Variants in TMC1 observed in about 807,000 individuals in gnomAD.
TMC1 encodes the protein transmembrane channel-like protein 1.
Under a neutral mutation model 105.8 loss-of-function variants are expected in TMC1, and 84 were observed. That is an observed-to-expected ratio of 0.79 (90% CI 0.67 to 0.95). The LOEUF (loss-of-function observed/expected upper bound fraction) is 0.95. Ranked by LOEUF, TMC1 falls within the 40% of genes least tolerant of loss-of-function variation. The pLI is 0.00. For synonymous variants in TMC1, 315 were observed against 311.5 expected (o/e 1.01, Z -0.12); for missense variants, 817 against 914.1 (o/e 0.89, Z 1.37).
At chr9:72,580,744 C>T (rs151127480) in intron 2 of TMC1, among the ~76,000 whole-genome samples, 111 of 152,324 alleles carry the variant, frequency 7.3e-4, no homozygotes, top group African/African-American at 2.5e-3. Context: ...CAAACAACTC[C>T]TCCTTACACA....
At chr9:72,537,507 A>G (rs1242158351) in intron 1 of TMC1, among the ~76,000 whole-genome samples, 2 of 152,122 alleles carry the variant, frequency 1.3e-5, no homozygotes, top group East Asian at 3.9e-4. Context: ...TTACAATCAT[A>G]TTTACAATTA....
intron 1 of TMC1, among the ~76,000 whole-genome samples, chr9:72,576,618 CTTTTT>C (rs71357588): frequency 7.4e-6 from 1 of 135,148 alleles, no homozygotes; most frequent in African/African-American, 2.8e-5. Flanking sequence ...CTCCCAATTT[CTTTTT>C]TTTTTTTTTC....
intron 5 of TMC1, chr9:72,651,145 T>C (rs751861773): frequency 5.4e-4 from 81 of 150,026 alleles, no homozygotes; most frequent in Admixed American, 1.5e-3. Flanking sequence ...TATATATATA[T>C]CACATTTTCT....
At chr9:72,672,309 CTTTG>C (rs1826136420) in intron 5 of TMC1, among the ~76,000 whole-genome samples, 1 of 151,770 alleles carries the variant, frequency 6.6e-6, no homozygotes, top group African/African-American at 2.4e-5. Flanking sequence ...GATGTACAGA[CTTTG>C]TTTTTTTAAT....
At chr9:72,745,800 C>A (rs893066533) in intron 10 of TMC1, among the ~76,000 whole-genome samples, 1 of 151,950 alleles carries the variant, frequency 6.6e-6, no homozygotes, top group African/African-American at 2.4e-5. Flanking sequence ...ACTTTTTGAC[C>A]CCTACCACCT....
chr9:72,532,525 G>C (rs1029748185), intron 1 of TMC1, among the ~76,000 whole-genome samples: 2 of 95,180 alleles, frequency 2.1e-5, no homozygotes, highest in Non-Finnish European at 3.8e-5. Flanking sequence ...TGGACAACAA[G>C]AGCGAGACTC....
In TMC1 at chr9:72,641,372, C is replaced by T. The variant is rs546607868; in HGVS notation, c.-52-7225C>T. Among the ~76,000 whole-genome samples, 132 of 152,218 alleles carry T rather than the reference C, an allele frequency of 8.7e-4. No homozygotes were observed. The Middle Eastern group carries it at 0.01, about 12-fold the overall frequency. On this transcript the variant is annotated intron_variant, in intron 4 of 23. Transcript: ENST00000297784. ...CCTCCCAAAATGCTGGGATAGCAGG[C>T]GTGAGCCACTACGCCCAGCCTCACC...
At chr9:72,806,673 G>C (rs1165341469) in intron 18 of TMC1, among the ~76,000 whole-genome samples, 1 of 147,086 alleles carries the variant, frequency 6.8e-6, no homozygotes, top group Non-Finnish European at 1.5e-5. Context: ...ATGGGCGGCC[G>C]GGCAGAGGCG....
In TMC1 at chr9:72,836,049, G is replaced by A; in HGVS notation, c.*76G>A. The stretch of plus-strand genomic sequence containing the variant: ...GTAATGCAATATGTGAACGCCCAGA[G>A]AACAAGCACTGTGGAACTGCTATTT... On this transcript the variant is annotated 3_prime_UTR_variant, in exon 24 of 24. Transcript: ENST00000297784. The A allele has an allele frequency of 6.5e-7, 1 of 1,528,176 alleles. No homozygotes were observed. The highest frequency in any genetic ancestry group is 9.0e-7 in the Non-Finnish European group (1 of 1,108,536). 94.7% of individuals were successfully genotyped at this position (1,528,176 alleles called of 1,614,324 possible).
rs1029571943 is a variant in TMC1, at chr9:72,794,425, C to T, written c.1566+2073C>T. 1.2e-3 allele frequency among the ~76,000 whole-genome samples: 181 copies of T among 152,188 alleles called. 1 individual carries two copies. The highest frequency in any genetic ancestry group is 5.0e-4 in the Non-Finnish European group (34 of 67,994). On this transcript the variant is annotated intron_variant, in intron 17 of 23. Coordinates refer to ENST00000297784, the MANE Select transcript of TMC1 (RefSeq NM_138691.3). ...GCAACTGTGCGGCAACACAGGGGAG[C>T]CTCACAACCAAGCAAGAGTCTACCA...
chr9:72,736,159 T>C (rs1564521823), intron 8 of TMC1, among the ~76,000 whole-genome samples: 2 of 152,098 alleles, frequency 1.3e-5, no homozygotes, highest in African/African-American at 4.8e-5. Flanking sequence ...GGGTAGTAAT[T>C]GAAAGAGAAA....
intron 2 of TMC1, among the ~76,000 whole-genome samples, chr9:72,584,498 C>T (rs539970748): frequency 4.6e-5 from 7 of 152,064 alleles, no homozygotes; most frequent in Admixed American, 2.0e-4. Context: ...AACTCCTGAG[C>T]TCAAGTGATC....
chr9:72,827,149 T>G (rs1828970359), intron 21 of TMC1, among the ~76,000 whole-genome samples, 155 bp downstream of exon 21: 1 of 152,194 alleles, frequency 6.6e-6, no homozygotes, highest in African/African-American at 2.4e-5. Context: ...AGGCTAAAAT[T>G]CATGAGCCAT....
At chr9:72,597,789 C>T (rs145670268) in intron 2 of TMC1, among the ~76,000 whole-genome samples, 1 of 152,196 alleles carries the variant, frequency 6.6e-6, no homozygotes, top group Non-Finnish European at 1.5e-5. Context: ...TGTTCTCTGT[C>T]TTCCCTGAGA....
intron 8 of TMC1, among the ~76,000 whole-genome samples, chr9:72,702,285 G>A (rs1053844343): frequency 6.6e-6 from 1 of 152,112 alleles, no homozygotes; most frequent in Admixed American, 6.5e-5. Context: ...TGGAGGTGTA[G>A]AAATACCCCC....
chr9:72,657,452 GT>G lies in TMC1; in HGVS notation c.16+8796del, dbSNP rs532236022. 9.8e-3 allele frequency among the ~76,000 whole-genome samples: 1,496 copies of G among 151,964 alleles called. 29 individuals carry two copies. The highest frequency in any genetic ancestry group is 0.034 in the African/African-American group (1,422 of 41,424). Reference sequence around the variant, plus strand: ...TGGCTGGGAGCAGAATTCCAATACTGTTTTTTTTATAATATGCTTTTACTTA... The same window carrying G: ...TGGCTGGGAGCAGAATTCCAATACTGTTTTTTTATAATATGCTTTTACTTA... On this transcript the variant is annotated intron_variant, in intron 5 of 23. Transcript: ENST00000297784.
intron 5 of TMC1, among the ~76,000 whole-genome samples, chr9:72,682,937 T>C (rs1250729650): frequency 1.3e-5 from 2 of 152,236 alleles, no homozygotes; most frequent in East Asian, 3.9e-4. Context: ...ACCTCCTACA[T>C]GGCCGGAGCA....
rs1487364569 is a variant in TMC1, at chr9:72,658,662, A to G, written c.16+9998A>G. 2.6e-5 allele frequency among the ~76,000 whole-genome samples: 4 copies of G among 152,234 alleles called. No individual in the cohort carries two copies. In the South Asian group the frequency reaches 8.3e-4, roughly 31 times the overall value. On this transcript the variant is annotated intron_variant, in intron 5 of 23. Transcript: ENST00000297784. ...TTCTGTTATTTTTTCAAAAGCAAGA[A>G]TTCATGTATTCCTTCTGAGCCAAGT...
chr9:72,797,680 A>T (rs530993723), intron 17 of TMC1, among the ~76,000 whole-genome samples: 2 of 152,328 alleles, frequency 1.3e-5, no homozygotes, highest in South Asian at 4.1e-4. Flanking sequence ...GAAAATTGAA[A>T]CTGGACCTCT....
Sources: allele counts gnomAD v4.1 joint callset (sites outside exome capture counted in the v4.1 genomes callset), GRCh38; gene constraint gnomAD v4.1.1; transcripts MANE v1.5; gene names NCBI Gene and HGNC (gene_info 2026-07-23, HGNC 2026-07-21).